Variants in SACS observed in about 807,000 individuals in gnomAD.
SACS encodes sacsin molecular chaperone, also known as sacsin.
SACS carries 197 observed loss-of-function variants against 348.0 expected under a neutral mutation model. The observed-to-expected ratio is 0.57, with a 90% confidence interval of 0.50 to 0.64. SACS has a LOEUF of 0.64. SACS is among the 30% of genes least tolerant of loss of function. The pLI, the probability that SACS is intolerant of heterozygous loss-of-function variation, is 0.00. For missense variants in SACS, 4,999 were observed against 5,360.8 expected (o/e 0.93, Z 2.11); for synonymous variants, 1,985 against 1,910.6 (o/e 1.04, Z -1.02).
intron 4 of SACS, among the ~76,000 whole-genome samples, chr13:23,370,467 T>C (rs1871316693): frequency 6.6e-6 from 1 of 152,036 alleles, no homozygotes; most frequent in South Asian, 2.1e-4. Flanking sequence ...GTAAGAGTAA[T>C]TAATATCAGA....
chr13:23,375,224 G>C lies in SACS; in HGVS notation c.66C>G (p.Thr22=). The stretch of plus-strand genomic sequence containing the variant: ...CGGTCCAGGACGCCAGCGCCGCGAC[G>C]GTCCTGCAGCCCACGCAGCCGGGGA... The part of the protein sequence containing the change: ...TVLPGCVGCR[T]VAALASWTVR... The change falls in exon 3 of 10, where the codon ACC becomes ACG. Residue 22 remains threonine, a synonymous_variant. Transcript: ENST00000382292. 1 of 1,494,890 alleles carries C rather than the reference G, an allele frequency of 6.7e-7. No homozygotes were observed. The allele number at this position is 1,494,890 out of a possible 1,614,324, so 92.6% of individuals were successfully genotyped here.
chr13:23,384,765 T>C (rs1017211999), intron 2 of SACS, among the ~76,000 whole-genome samples: 1 of 152,300 alleles, frequency 6.6e-6, no homozygotes, highest in African/African-American at 2.4e-5. Flanking sequence ...CTAAAACTTT[T>C]TCATTTTTTG....
At chr13:23,357,448 A>T (rs1027227204) in intron 7 of SACS, among the ~76,000 whole-genome samples, 2 of 152,198 alleles carry the variant, frequency 1.3e-5, no homozygotes, top group African/African-American at 4.8e-5. Context: ...TAGAGTTGGG[A>T]TGACCCTACT....
In SACS at chr13:23,335,788, T is replaced by C. The variant is rs1868536944; in HGVS notation, c.8088A>G (p.Thr2696=). ...CATTACGAAGAGGAAATCTGAACAT[T>C]GTGCAATTATCCAGTTTAAAATGGG... ...LGTHFKLDNC[T]MFRFPLRNAE... Residue 2696 remains threonine, a synonymous_variant, in exon 10 of 10, where the codon ACA becomes ACG. Coordinates refer to ENST00000382292, the MANE Select transcript of SACS (RefSeq NM_014363.6). The surrounding 1 kb of genome is among the most constrained non-coding windows in gnomAD (Gnocchi z 4.7). The C allele has an allele frequency of 6.2e-7, 1 of 1,613,916 alleles. No homozygotes were observed. Among genetic ancestry groups the C allele is most frequent in the Non-Finnish European group, 8.5e-7 (1 of 1,179,926 alleles).
In SACS at chr13:23,355,305, G is replaced by C. The variant is rs1460902379; in HGVS notation, c.1307C>G (p.Ala436Gly). Residue 436 changes from alanine (A) to glycine (G), a missense_variant, in exon 8 of 10, where the codon GCA becomes GGA. This residue lies in a region of SACS where 3,156 missense variants were observed against 3,380.1 expected (regional missense o/e 0.93). Transcript: ENST00000382292. ...TGCTTTTCCTGAGAAATCAGACGTT[G>C]CTCCTTTTGCTTCATCATCTCTGCT... ...LSSRDDEAKG[A>G]TSDFSGKAFC... is the part of the protein sequence containing the mutation. The C allele has an allele frequency of 1.2e-6, 2 of 1,613,936 alleles. No individual in the cohort carries two copies. Among genetic ancestry groups the C allele is most frequent in the Non-Finnish European group, 1.7e-6 (2 of 1,180,052 alleles).
At chr13:23,414,612 C>A (rs917073437) in intron 1 of SACS, among the ~76,000 whole-genome samples, 14 of 152,152 alleles carry the variant, frequency 9.2e-5, no homozygotes, top group Non-Finnish European at 1.6e-4. Flanking sequence ...TATCACCAGG[C>A]GTGTTTGATA....
chr13:23,393,013 A>G (rs1357005971), intron 2 of SACS, among the ~76,000 whole-genome samples: 1 of 151,968 alleles, frequency 6.6e-6, no homozygotes, highest in Non-Finnish European at 1.5e-5. Context: ...AACCCTCACC[A>G]CCCCACCCAC....
At position 23,354,740 on chromosome 13, in the gene SACS, C is replaced by T; in HGVS notation, c.1872G>A (p.Arg624=). Reference sequence around the variant, plus strand: ...GCCGCACCCACGCGGGCGTCACCTTCCTCACAGGTGTTGTGCCAGAGGCAG... The same window carrying T: ...GCCGCACCCACGCGGGCGTCACCTTTCTCACAGGTGTTGTGCCAGAGGCAG... ...LTAASGTTPV[R]KVTPAWVRQV... The change falls in exon 8 of 10, where the codon AGG becomes AGA. Residue 624 remains arginine (R), a synonymous_variant. Coordinates refer to ENST00000382292, the MANE Select transcript of SACS (RefSeq NM_014363.6). 6.2e-7 allele frequency: 1 copy of T among 1,613,692 alleles called. No homozygotes were observed. The highest frequency in any genetic ancestry group is 8.5e-7 in the Non-Finnish European group (1 of 1,179,660).
chr13:23,425,809 C>T lies in SACS; in HGVS notation c.-502+7806G>A, dbSNP rs1395501992. On this transcript the variant is annotated intron_variant, in intron 1 of 9. Coordinates refer to ENST00000382292, the MANE Select transcript of SACS (RefSeq NM_014363.6). ...CCGCCTGACTCCCTGCGGGAGTGGG[C>T]TCGTGCCTATGAGCTAGAGCATGGC... 5.3e-5 allele frequency among the ~76,000 whole-genome samples: 8 copies of T among 152,148 alleles called. No homozygotes were observed. In the East Asian group the frequency reaches 1.5e-3, roughly 29 times the overall value.
chr13:23,367,505 T>G (rs1407363497), intron 5 of SACS, among the ~76,000 whole-genome samples: 1 of 152,140 alleles, frequency 6.6e-6, no homozygotes, highest in Admixed American at 6.5e-5. Flanking sequence ...ATTAAGGAAG[T>G]TTCTTATTAA....
chr13:23,375,304 G>A (rs985904083), intron 2 of SACS, 35 bp from the exon 3 acceptor site: 2 of 1,391,576 alleles, frequency 1.4e-6, no homozygotes, highest in African/African-American at 1.5e-5. Context: ...GTCGGGCTGC[G>A]GCTGCCACCC....
At chr13:23,431,631 TATC>T (rs1341372706) in intron 1 of SACS, among the ~76,000 whole-genome samples, 1 of 152,202 alleles carries the variant, frequency 6.6e-6, no homozygotes, top group Non-Finnish European at 1.5e-5. Context: ...GAGTGGTCAA[TATC>T]ATCATCACTG....
At chr13:23,421,616 C>T (rs1204837715) in intron 1 of SACS, among the ~76,000 whole-genome samples, 3 of 151,982 alleles carry the variant, frequency 2.0e-5, no homozygotes, top group South Asian at 2.1e-4. Context: ...TGCTGTGGCA[C>T]GGATGTGAGC....
intron 5 of SACS, among the ~76,000 whole-genome samples, chr13:23,365,976 C>T (rs1871036831): frequency 6.6e-6 from 1 of 152,162 alleles, no homozygotes; most frequent in African/African-American, 2.4e-5. Flanking sequence ...AATTTCCAAT[C>T]CTAACAACCC....
chr13:23,336,784 A>T lies in SACS; in HGVS notation c.7092T>A (p.Asn2364Lys), dbSNP rs1229758028. The change falls in exon 10 of 10, where the codon AAT (asparagine) becomes AAA (lysine). Residue 2364 changes from asparagine (N) to lysine (K), a missense_variant. This residue lies in a region of SACS where 3,156 missense variants were observed against 3,380.1 expected (regional missense o/e 0.93). Coordinates refer to ENST00000382292, the MANE Select transcript of SACS (RefSeq NM_014363.6). ...GATAAAGGTATGGTGCCGCCTCAAAATTTAAATGAAAAGAAACCTTTTCTG... is the reference window on the plus strand; with the variant it reads ...GATAAAGGTATGGTGCCGCCTCAAATTTTAAATGAAAAGAAACCTTTTCTG... ...VDSEKVSFHL[N>K]FEAAPYLYQL... 1.2e-6 allele frequency: 2 copies of T among 1,613,918 alleles called. No homozygotes were observed. Among genetic ancestry groups the T allele is most frequent in the Non-Finnish European group, 1.7e-6 (2 of 1,179,862 alleles).
intron 7 of SACS, among the ~76,000 whole-genome samples, chr13:23,357,724 G>C (rs1870483731): frequency 7.0e-6 from 1 of 142,982 alleles, no homozygotes; most frequent in Non-Finnish European, 1.5e-5. Flanking sequence ...TCTCAGAGAT[G>C]TCCACACTGA....
In SACS at chr13:23,335,820, G is replaced by T. The variant is rs748595405; in HGVS notation, c.8056C>A (p.Leu2686Met). ...TTATCCAGTTTAAAATGGGTTCCCA[G>T]ATAAAGATCCAGAACATCTGAGAAC... ...TQFSDVLDLY[L>M]GTHFKLDNCT... is the part of the protein sequence containing the mutation. The change falls in exon 10 of 10, where the codon CTG (leucine) becomes ATG (methionine). Residue 2686 changes from leucine to methionine, a missense_variant. Leu to Met is a conservative substitution (Grantham distance 15). Around this residue, in one of 6 missense-constraint regions of SACS, gnomAD observed 3,156 missense variants for 3,380.1 expected, o/e 0.93. Coordinates refer to ENST00000382292, the MANE Select transcript of SACS (RefSeq NM_014363.6). This position sits in a 1 kb window ranked among gnomAD's most constrained non-coding sequence, Gnocchi z 4.7. 3 of 1,613,992 alleles carry T rather than the reference G, an allele frequency of 1.9e-6. No individual in the cohort carries two copies. The highest frequency in any genetic ancestry group is 8.5e-7 in the Non-Finnish European group (1 of 1,179,910).
intron 8 of SACS, among the ~76,000 whole-genome samples, chr13:23,354,162 ATTAC>A (rs1026037760): frequency 1.3e-5 from 2 of 152,344 alleles, no homozygotes; most frequent in South Asian, 2.1e-4. Flanking sequence ...TTTATAAAGA[ATTAC>A]TTAATATACT....
chr13:23,414,915 G>A, intron 1 of SACS, among the ~76,000 whole-genome samples: 1 of 152,204 alleles, frequency 6.6e-6, no homozygotes, highest in East Asian at 1.9e-4. Flanking sequence ...AACATGACAT[G>A]ACTTGTCCTT....
Sources: gnomAD v4.1 joint callset for allele counts (sites outside exome capture counted in the v4.1 genomes callset) on GRCh38, gnomAD v4.1.1 for gene constraint, gnomAD v4.1.1 regional missense constraint, Gnocchi (gnomAD v3.1) non-coding constraint, MANE v1.5 for transcripts, NCBI Gene and HGNC (gene_info 2026-07-23, HGNC 2026-07-21) for gene names.